The following DPYD variants were observed in gnomAD, a reference collection of about 807,000 sequenced individuals.
DPYD encodes the protein dihydropyrimidine dehydrogenase.
In DPYD, 109 loss-of-function variants were observed where a neutral mutation model predicts 116.2. The ratio of observed to expected loss-of-function variants is 0.94; its 90% confidence interval spans 0.80 to 1.10. DPYD has a LOEUF of 1.10. Ranked by LOEUF, DPYD falls within the 50% of genes least tolerant of loss-of-function variation. DPYD has a pLI of 0.00. For missense variants in DPYD, 1,302 were observed against 1,254.5 expected, an observed-to-expected ratio of 1.04 and a Z score of -0.57; for synonymous variants, 440 against 432.0, an observed-to-expected ratio of 1.02 and a Z score of -0.23.
At chr1:97,118,188 G>A (rs1406383994) in intron 20 of DPYD, among the ~76,000 whole-genome samples, 1 of 151,656 alleles carries the variant, frequency 6.6e-6, no homozygotes, top group African/African-American at 2.4e-5. Context: ...GACTGACCTT[G>A]CTGATGCAAG....
chr1:97,306,423 A>T (rs1263299001), intron 16 of DPYD, 126 bp from the exon 17 acceptor site: 1 of 1,269,228 alleles, frequency 7.9e-7, no homozygotes, highest in Non-Finnish European at 1.1e-6. Flanking sequence ...TACATGATAT[A>T]TTTCTCAAAT....
chr1:97,501,122 C>T (rs572831004), intron 13 of DPYD, among the ~76,000 whole-genome samples: 29 of 152,026 alleles, frequency 1.9e-4, no homozygotes, highest in South Asian at 1.0e-3. Context: ...TAGTTCTGGA[C>T]GGAGAAGTGG....
At chr1:97,228,792 G>A (rs935079392) in intron 19 of DPYD, among the ~76,000 whole-genome samples, 3 of 152,062 alleles carry the variant, frequency 2.0e-5, no homozygotes, top group Non-Finnish European at 4.4e-5. Context: ...AACAGAATTC[G>A]GTTGGGCAAT....
chr1:97,710,096 A>C (rs1316503534), intron 5 of DPYD, among the ~76,000 whole-genome samples: 1 of 151,838 alleles, frequency 6.6e-6, no homozygotes, highest in Non-Finnish European at 1.5e-5. Context: ...GTAATTTCTA[A>C]AGGAATGTTA....
At chr1:97,779,424 G>A (rs922727740) in intron 3 of DPYD, among the ~76,000 whole-genome samples, 9 of 151,962 alleles carry the variant, frequency 5.9e-5, no homozygotes, top group African/African-American at 1.9e-4. Context: ...ATACACTAGT[G>A]TGTGAAATTT....
chr1:97,639,193 AT>A (rs1353871276), intron 8 of DPYD, among the ~76,000 whole-genome samples: 7 of 152,266 alleles, frequency 4.6e-5, no homozygotes, highest in African/African-American at 1.7e-4. Context: ...GTGTCTCTAT[AT>A]ACAAAACAGA....
chr1:97,878,034 T>C (rs971673579), intron 2 of DPYD, among the ~76,000 whole-genome samples: 4 of 151,926 alleles, frequency 2.6e-5, no homozygotes, highest in African/African-American at 4.8e-5. Flanking sequence ...TAGAAAAACA[T>C]ATTAATCTAT....
intron 12 of DPYD, among the ~76,000 whole-genome samples, chr1:97,529,786 TTTC>T (rs200834095): frequency 0.012 from 1,702 of 141,766 alleles, 37 homozygotes; most frequent in African/African-American, 0.05. Flanking sequence ...TCTTTCTCTT[TTTC>T]TTTTTTCCCT....
intron 8 of DPYD, among the ~76,000 whole-genome samples, chr1:97,667,426 AT>A (rs549616854): frequency 1.7e-3 from 264 of 152,088 alleles, no homozygotes; most frequent in African/African-American, 5.7e-3. Flanking sequence ...ATACTTAAAA[AT>A]TTTTTTTATC....
Position 97,906,127 on chromosome 1 carries a change from G to A in DPYD, c.39+14757C>T, listed in dbSNP as rs563219344. Among the ~76,000 whole-genome samples, 3 of 152,066 alleles carry A rather than the reference G, an allele frequency of 2.0e-5. No individual in the cohort carries two copies. In the South Asian group the frequency reaches 6.2e-4, roughly 32 times the overall value. On this transcript the variant is annotated intron_variant, in intron 1 of 22. Coordinates refer to ENST00000370192, the MANE Select transcript of DPYD (RefSeq NM_000110.4). ...CTCACACCTGACCCATTTCAGCCAG[G>A]ACAGCCTTCCTTCACCTGTCCTTGG...
At chr1:97,640,814 T>C (rs1267546672) in intron 8 of DPYD, among the ~76,000 whole-genome samples, 3 of 151,922 alleles carry the variant, frequency 2.0e-5, no homozygotes, top group Non-Finnish European at 4.4e-5. Flanking sequence ...TGAAAAAAAA[T>C]GGTCACTTCA....
intron 5 of DPYD, among the ~76,000 whole-genome samples, chr1:97,717,299 A>G (rs530780946): frequency 6.6e-6 from 1 of 152,106 alleles, no homozygotes; most frequent in African/African-American, 2.4e-5. Flanking sequence ...CTGAGAGACA[A>G]AAAGTAAAAT....
intron 14 of DPYD, among the ~76,000 whole-genome samples, chr1:97,406,390 TTTTATTTA>T (rs199696412): frequency 1.3e-5 from 2 of 150,174 alleles, no homozygotes; most frequent in African/African-American, 4.9e-5. Context: ...CATCAGGAAT[TTTTATTTA>T]TTTATTTATT....
chr1:97,218,861 A>G (rs1325176909), intron 19 of DPYD, among the ~76,000 whole-genome samples: 1 of 152,170 alleles, frequency 6.6e-6, no homozygotes, highest in Non-Finnish European at 1.5e-5. Context: ...AAATAGGCCT[A>G]TATAAACATG....
At chr1:97,144,086 G>A (rs991203641) in intron 20 of DPYD, among the ~76,000 whole-genome samples, 14 of 152,128 alleles carry the variant, frequency 9.2e-5, no homozygotes, top group Non-Finnish European at 8.8e-5. Flanking sequence ...CCCCAGAACT[G>A]GATTTCAATG....
chr1:97,229,945 T>G (rs997766068), intron 19 of DPYD, among the ~76,000 whole-genome samples: 4 of 152,132 alleles, frequency 2.6e-5, no homozygotes, highest in African/African-American at 9.7e-5. Flanking sequence ...TTCACAATTC[T>G]GGTAAAAACA....
intron 5 of DPYD, among the ~76,000 whole-genome samples, chr1:97,701,054 A>G (rs975291654): frequency 2.6e-5 from 4 of 150,988 alleles, no homozygotes; most frequent in African/African-American, 7.3e-5. Flanking sequence ...ATGTAAATGG[A>G]CTAAAATTCC....
At chr1:97,719,028 G>A (rs931042285) in intron 5 of DPYD, among the ~76,000 whole-genome samples, 1 of 151,608 alleles carries the variant, frequency 6.6e-6, no homozygotes, top group Non-Finnish European at 1.5e-5. Context: ...CCTAGAGTGA[G>A]TCACAATCAC....
At chr1:97,243,559 C>T (rs990488381) in intron 18 of DPYD, among the ~76,000 whole-genome samples, 2 of 151,900 alleles carry the variant, frequency 1.3e-5, no homozygotes, top group South Asian at 4.2e-4. Context: ...TGCTATGCTG[C>T]TTCCTGATTT....
Sources: allele counts gnomAD v4.1 joint callset (sites outside exome capture counted in the v4.1 genomes callset), GRCh38; gene constraint gnomAD v4.1.1; transcripts MANE v1.5; gene names NCBI Gene and HGNC (gene_info 2026-07-23, HGNC 2026-07-21).